Variants in SLC17A6 observed in about 807,000 individuals in gnomAD.
The protein encoded by SLC17A6 is vesicular glutamate transporter 2.
SLC17A6 carries 35 observed loss-of-function variants against 67.1 expected under a neutral mutation model. The ratio of observed to expected loss-of-function variants is 0.52; its 90% CI spans 0.40 to 0.69. The LOEUF (loss-of-function observed/expected upper bound fraction) is 0.69, where lower values mean the gene tolerates loss of function less well. Ranked by LOEUF, SLC17A6 falls within the 30% of genes least tolerant of loss-of-function variation. SLC17A6 has a pLI of 0.00. For synonymous variants in SLC17A6, 285 were observed against 252.3 expected (o/e 1.13, Z -1.23); for missense variants, 588 against 723.9 (o/e 0.81, Z 2.15).
chr11:22,351,381 A>T (rs1855936522), intron 3 of SLC17A6, among the ~76,000 whole-genome samples: 1 of 152,016 alleles, frequency 6.6e-6, no homozygotes, highest in Non-Finnish European at 1.5e-5. Context: ...CACCCTCACC[A>T]CCACCCCAAG....
At position 22,343,416 on chromosome 11, in the gene SLC17A6, G is replaced by A. The variant is rs760909352; in HGVS notation, c.458+51G>A. On this transcript the variant is annotated intron_variant, in intron 3 of 11. Coordinates refer to ENST00000263160, the MANE Select transcript of SLC17A6 (RefSeq NM_020346.3). The stretch of plus-strand genomic sequence containing the variant: ...TCGGGGCGTGGTGTTTGTTTCCTCC[G>A]AAGGGGCAGCAGAAGCTGGAGCAGA... 10 of 1,484,396 alleles carry A rather than the reference G, an allele frequency of 6.7e-6. No individual in the cohort carries two copies. In the East Asian group the frequency reaches 1.6e-4, roughly 23 times the overall value. The allele number at this position is 1,484,396 out of a possible 1,614,324, so 92.0% of individuals were successfully genotyped here. A position where few individuals can be genotyped will look rare whatever the true frequency, so the allele number is the denominator to read the frequency against.
Position 22,365,593 on chromosome 11 carries a change from T to G in SLC17A6, c.795T>G (p.Tyr265Ter). 1 of 1,614,076 alleles carries G rather than the reference T, an allele frequency of 6.2e-7. No homozygotes were observed. The highest frequency in any genetic ancestry group is 8.5e-7 in the Non-Finnish European group (1 of 1,179,944). Residue 265 changes from tyrosine (Y) to a stop codon, truncating the protein, a stop_gained, in exon 7 of 12, where the codon TAT (tyrosine) becomes TAG (stop). Coordinates refer to ENST00000263160, the MANE Select transcript of SLC17A6 (RefSeq NM_020346.3). LOFTEE classifies it high-confidence loss of function. ...ACATGTTTTGGCTTTTGGTGTCTTA[T>G]GAAAGTCCTGCAAAGCATCCTACTA... ...VWYMFWLLVS[Y>*]ESPAKHPTIT...
At chr11:22,362,915 C>A in intron 6 of SLC17A6, 90 bp downstream of exon 6, 1 of 891,882 alleles carries the variant, frequency 1.1e-6, no homozygotes, top group Non-Finnish European at 1.8e-6. Context: ...TCACTAAATA[C>A]ATTTCTATGT....
At chr11:22,348,371 T>C (rs1356736993) in intron 3 of SLC17A6, among the ~76,000 whole-genome samples, 1 of 152,218 alleles carries the variant, frequency 6.6e-6, no homozygotes, top group African/African-American at 2.4e-5. Flanking sequence ...GATTTTATTT[T>C]GGCAGGAGAA....
At position 22,338,561 on chromosome 11, in the gene SLC17A6, G is replaced by A; in HGVS notation, c.28G>A (p.Ala10Thr). The change falls in exon 1 of 12, where the codon GCC (alanine) becomes ACC (threonine). Residue 10 changes from alanine to threonine, a missense_variant. Coordinates refer to ENST00000263160, the MANE Select transcript of SLC17A6 (RefSeq NM_020346.3). MESVKQRILAPGKEGLKNFA... is the reference protein window; with the variant it reads MESVKQRILTPGKEGLKNFA... ...GGAATCCGTAAAACAAAGGATTTTG[G>A]CCCCAGGAAAAGAGGGGCTAAAGAA... 2 of 1,613,534 alleles carry A rather than the reference G, an allele frequency of 1.2e-6. No homozygotes were observed. The highest frequency in any genetic ancestry group is 2.7e-5 in the African/African-American group (2 of 74,996).
In SLC17A6 at chr11:22,358,971, C is replaced by T. The variant is rs542304114; in HGVS notation, c.459-442C>T. Among the ~76,000 whole-genome samples, 17 of 152,234 alleles carry T rather than the reference C, an allele frequency of 1.1e-4. 1 individual carries two copies. The highest frequency in any genetic ancestry group is 6.8e-3 in the Middle Eastern group (2 of 294). Reference sequence around the variant, plus strand: ...TGAGGAATAACTTTATTTATGCATTCATTATTTCCAGTAACTCTTCAGTTA... The same window carrying T: ...TGAGGAATAACTTTATTTATGCATTTATTATTTCCAGTAACTCTTCAGTTA... On this transcript the variant is annotated intron_variant, in intron 3 of 11. Transcript: ENST00000263160.
At chr11:22,361,915 T>A (rs1389179675) in intron 5 of SLC17A6, among the ~76,000 whole-genome samples, 2 of 152,188 alleles carry the variant, frequency 1.3e-5, no homozygotes, top group African/African-American at 4.8e-5. Context: ...TTTTGCTGTA[T>A]ACTTAAGCCA....
chr11:22,377,441 G>A lies in SLC17A6; in HGVS notation c.1450G>A (p.Ala484Thr). 1 of 1,613,292 alleles carries A rather than the reference G, an allele frequency of 6.2e-7. No homozygotes were observed. The highest frequency in any genetic ancestry group is 8.5e-7 in the Non-Finnish European group (1 of 1,179,314). Reference protein sequence around the residue: ...EEWQYVFLIAALVHYGGVIFY... With the variant: ...EEWQYVFLIATLVHYGGVIFY... ...GTGGCAGTATGTCTTCCTGATCGCT[G>A]CCCTAGTCCACTATGGTGGAGTTAT... Residue 484 changes from alanine (A) to threonine (T), a missense_variant, in exon 12 of 12, where the codon GCC (alanine) becomes ACC (threonine). By Grantham distance (58) the Ala-to-Thr change is moderately conservative (BLOSUM62 0). Transcript: ENST00000263160.
intron 3 of SLC17A6, among the ~76,000 whole-genome samples, chr11:22,351,855 T>C (rs547468243): frequency 7.1e-4 from 108 of 152,252 alleles, no homozygotes; most frequent in African/African-American, 2.2e-3. Context: ...CAATTATAAG[T>C]GTCAAAGTTA....
intron 8 of SLC17A6, among the ~76,000 whole-genome samples, chr11:22,373,545 G>C (rs1856197444): frequency 6.6e-6 from 1 of 151,880 alleles, no homozygotes; most frequent in African/African-American, 2.4e-5. Flanking sequence ...TTTTGTACTA[G>C]ACTAAGCACA....
chr11:22,341,196 C>T (rs1855811306), intron 1 of SLC17A6, among the ~76,000 whole-genome samples: 1 of 152,232 alleles, frequency 6.6e-6, no homozygotes, highest in Non-Finnish European at 1.5e-5. Flanking sequence ...AATGCAGACC[C>T]TGCAGATCCT....
chr11:22,342,974 T>A, intron 2 of SLC17A6: 1 of 547,648 alleles, frequency 1.8e-6, no homozygotes, highest in Non-Finnish European at 3.5e-6. Flanking sequence ...AGATTCCTCC[T>A]TCATTCAGAT....
rs1856159427 is a variant in SLC17A6, at chr11:22,370,129, T to C, written c.982T>C (p.Leu328=). The C allele has an allele frequency of 6.2e-7, 1 of 1,612,320 alleles. No individual in the cohort carries two copies. The highest frequency in any genetic ancestry group is 8.5e-7 in the Non-Finnish European group (1 of 1,179,134). Residue 328 remains leucine (L), a synonymous_variant, in exon 8 of 12, where the codon TTA becomes CTA. Coordinates refer to ENST00000263160, the MANE Select transcript of SLC17A6 (RefSeq NM_020346.3). ...ANFCRSWTFY[L]LLISQPAYFE... ...CTTCTGCAGAAGCTGGACTTTTTAT[T>C]TATTGCTTATTAGTCAGCCAGCATA... is the stretch of plus-strand genomic sequence containing the variant.
intron 3 of SLC17A6, among the ~76,000 whole-genome samples, chr11:22,346,723 A>G (rs1855880379): frequency 1.3e-5 from 2 of 151,664 alleles, no homozygotes; most frequent in African/African-American, 2.4e-5. Flanking sequence ...ATATTTACAA[A>G]TATGAAATTC....
chr11:22,362,002 C>T (rs973784484), intron 5 of SLC17A6, among the ~76,000 whole-genome samples: 2 of 151,968 alleles, frequency 1.3e-5, no homozygotes, highest in East Asian at 1.9e-4. Flanking sequence ...ATAAATATTG[C>T]CATTTCTGTC....
Position 22,339,061 on chromosome 11 carries a change from T to TTA in SLC17A6, c.86+456_86+457dup, listed in dbSNP as rs59446847. 5.9e-3 allele frequency among the ~76,000 whole-genome samples: 726 copies of TTA among 123,732 alleles called. 13 individuals are homozygous for TTA. Among genetic ancestry groups the TTA allele is most frequent in the Non-Finnish European group, 9.7e-3 (572 of 58,728 alleles). 81.2% of individuals were successfully genotyped at this position (123,732 alleles called of 152,430 possible). ...CCAAGAAATTCCAAAGAGTAATGGTTTATATATATATATATGTTATATATA... is the reference window on the plus strand; with the variant it reads ...CCAAGAAATTCCAAAGAGTAATGGTTTATATATATATATATATGTTATATATA... On this transcript the variant is annotated intron_variant, in intron 1 of 11. Coordinates refer to ENST00000263160, the MANE Select transcript of SLC17A6 (RefSeq NM_020346.3).
At chr11:22,352,647 A>G (rs1368252851) in intron 3 of SLC17A6, among the ~76,000 whole-genome samples, 1 of 152,208 alleles carries the variant, frequency 6.6e-6, no homozygotes, top group Non-Finnish European at 1.5e-5. Flanking sequence ...AGAAAAAATA[A>G]TGGGACGGCT....
rs1240245939 is a variant in SLC17A6, at chr11:22,339,130, TTATATATATATGTTATATATAGTTA to T, written c.86+521_86+545del. On this transcript the variant is annotated intron_variant, in intron 1 of 11. Coordinates refer to ENST00000263160, the MANE Select transcript of SLC17A6 (RefSeq NM_020346.3). ...TATATATATATGTTATATATATATGTTATATATATATGTTATATATAGTTATATATATATGTTATATATATATGTT... is the reference window on the plus strand; with the variant it reads ...TATATATATATGTTATATATATATGTTATATATATGTTATATATATATGTT... Among the ~76,000 whole-genome samples the T allele has an allele frequency of 2.5e-3, 64 of 25,178 alleles. 4 individuals carry two copies. Among genetic ancestry groups the T allele is most frequent in the African/African-American group, 9.9e-3 (57 of 5,734 alleles). The allele number at this position is 25,178 out of a possible 152,430, so 16.5% of individuals were successfully genotyped here.
At position 22,362,724 on chromosome 11, in the gene SLC17A6, T is replaced by C; in HGVS notation, c.662-15T>C. 6.2e-7 allele frequency: 1 copy of C among 1,607,944 alleles called. No individual in the cohort carries two copies. On this transcript the variant is annotated splice_polypyrimidine_tract_variant and intron_variant, in intron 5 of 11. Transcript: ENST00000263160. ...GATTTCACTCACCTTTCTCCCATTC[T>C]TCCTTACACTTTAGGTTCCTATGCC...
Sources: allele counts gnomAD v4.1 joint callset (sites outside exome capture counted in the v4.1 genomes callset), GRCh38; gene constraint gnomAD v4.1.1; transcripts MANE v1.5; gene names NCBI Gene and HGNC (gene_info 2026-07-23, HGNC 2026-07-21).